Variants in TMEM117 observed in about 807,000 individuals in gnomAD.
TMEM117 encodes the protein transmembrane protein 117.
A neutral mutation model predicts 52.4 loss-of-function variants in TMEM117; 27 were observed. The ratio of observed to expected loss-of-function variants is 0.51; its 90% CI spans 0.38 to 0.71. The LOEUF is 0.71. Ranked by LOEUF, TMEM117 falls within the 30% of genes least tolerant of loss-of-function variation. TMEM117 has a pLI of 0.00. For synonymous variants in TMEM117, 215 were observed against 206.3 expected (o/e 1.04, Z -0.36); for missense variants, 556 against 630.5 (o/e 0.88, Z 1.26).
intron 4 of TMEM117, among the ~76,000 whole-genome samples, chr12:44,170,463 TAAAAA>T (rs992833136): frequency 4.2e-4 from 64 of 152,180 alleles, no homozygotes; most frequent in African/African-American, 1.5e-3. Flanking sequence ...TTTTTTAAAT[TAAAAA>T]AAATCATTAC....
intron 3 of TMEM117, among the ~76,000 whole-genome samples, chr12:44,057,942 T>G (rs1409316934): frequency 6.6e-6 from 1 of 152,216 alleles, no homozygotes; most frequent in Non-Finnish European, 1.5e-5. Context: ...CCGTACAGGC[T>G]TCAATTCACA....
At chr12:44,341,270 G>T (rs1032619954) in intron 6 of TMEM117, among the ~76,000 whole-genome samples, 1 of 152,008 alleles carries the variant, frequency 6.6e-6, no homozygotes, top group African/African-American at 2.4e-5. Flanking sequence ...CCAAATTGCT[G>T]AGATTACAGA....
chr12:43,879,285 A>G (rs916686101), intron 2 of TMEM117, among the ~76,000 whole-genome samples: 1 of 152,234 alleles, frequency 6.6e-6, no homozygotes, highest in African/African-American at 2.4e-5. Context: ...AACAGTTTAA[A>G]GCATTGTATT....
chr12:44,331,102 G>A (rs1425383770), intron 6 of TMEM117, among the ~76,000 whole-genome samples: 1 of 151,572 alleles, frequency 6.6e-6, no homozygotes, highest in Admixed American at 6.6e-5. Context: ...TCTGTGTGGA[G>A]GTGACCACTG....
intron 7 of TMEM117, among the ~76,000 whole-genome samples, chr12:44,386,002 AT>A (rs1952083114): frequency 6.6e-6 from 1 of 151,934 alleles, no homozygotes; most frequent in South Asian, 2.1e-4. Flanking sequence ...TTTCCAAACT[AT>A]TTTCTGTCCT....
At chr12:44,152,210 T>C (rs1948743319) in intron 4 of TMEM117, among the ~76,000 whole-genome samples, 1 of 106,712 alleles carries the variant, frequency 9.4e-6, no homozygotes, top group South Asian at 3.3e-4. Flanking sequence ...TAATTATATT[T>C]ATATTATATA....
chr12:44,319,385 C>T (rs1253029172), intron 6 of TMEM117, among the ~76,000 whole-genome samples: 1 of 152,088 alleles, frequency 6.6e-6, no homozygotes, highest in African/African-American at 2.4e-5. Flanking sequence ...TGCATGGATC[C>T]CCATTGGAAA....
At chr12:43,849,630 CT>C (rs1555177231) in intron 2 of TMEM117, among the ~76,000 whole-genome samples, 18 of 148,790 alleles carry the variant, frequency 1.2e-4, no homozygotes, top group African/African-American at 1.7e-4. Context: ...TTCTCTCTCT[CT>C]TTTTTTTTTA....
chr12:44,230,890 C>T (rs2138451238), intron 5 of TMEM117, among the ~76,000 whole-genome samples: 1 of 151,960 alleles, frequency 6.6e-6, no homozygotes, highest in East Asian at 1.9e-4. Flanking sequence ...AATATTTTAT[C>T]CCTCCTCCCT....
At chr12:43,813,523 G>A in the TMEM117 span, among the ~76,000 whole-genome samples, 31 of 151,864 alleles carry the variant, frequency 2.0e-4, no homozygotes, top group Admixed American at 2.6e-4. Context: ...CACCACACCT[G>A]GCCCTGAACT....
intron 2 of TMEM117, among the ~76,000 whole-genome samples, chr12:43,876,317 T>A (rs1241630385): frequency 3.3e-5 from 5 of 152,214 alleles, no homozygotes; most frequent in Non-Finnish European, 1.5e-5. Context: ...ACACACCTTC[T>A]TGCCATGCGG....
intron 2 of TMEM117, among the ~76,000 whole-genome samples, chr12:43,847,611 G>A (rs1943231977): frequency 6.6e-6 from 1 of 152,176 alleles, no homozygotes; most frequent in Non-Finnish European, 1.5e-5. Context: ...ATACCAATCT[G>A]GATTGTTGAG....
At chr12:43,966,120 TGTGTA>T (rs1325118535) in intron 3 of TMEM117, among the ~76,000 whole-genome samples, 4 of 152,226 alleles carry the variant, frequency 2.6e-5, no homozygotes, top group Non-Finnish European at 5.9e-5. Context: ...CCATGGTATA[TGTGTA>T]CCACATTTTC....
chr12:44,237,061 A>G (rs1480035457), intron 5 of TMEM117, among the ~76,000 whole-genome samples: 2 of 152,108 alleles, frequency 1.3e-5, no homozygotes, highest in Non-Finnish European at 2.9e-5. Context: ...TTGCAAGGCC[A>G]GTAATACCTC....
intron 3 of TMEM117, among the ~76,000 whole-genome samples, chr12:44,038,551 G>T (rs1353448806): frequency 6.6e-6 from 1 of 152,212 alleles, no homozygotes; most frequent in African/African-American, 2.4e-5. Context: ...ACAGGCATGA[G>T]AGTCAGACCA....
At chr12:44,219,275 T>C (rs1014864627) in intron 5 of TMEM117, among the ~76,000 whole-genome samples, 6 of 152,028 alleles carry the variant, frequency 3.9e-5, no homozygotes, top group Non-Finnish European at 7.3e-5. Context: ...GACTTTTGAC[T>C]ATTTCACATT....
chr12:43,880,946 A>G (rs1006226945), intron 2 of TMEM117, among the ~76,000 whole-genome samples: 3 of 152,246 alleles, frequency 2.0e-5, no homozygotes, highest in Non-Finnish European at 4.4e-5. Context: ...GATAAATAGG[A>G]CTTTTATGTT....
In TMEM117 at chr12:43,993,377, ACTTAT is replaced by A. The variant is rs543119297; in HGVS notation, c.410+49037_410+49041del. 2.3e-4 allele frequency among the ~76,000 whole-genome samples: 35 copies of A among 152,324 alleles called. No individual in the cohort carries two copies. In the East Asian group the frequency reaches 6.6e-3, roughly 29 times the overall value. ...ATGCTCAACAACGGGTGTTTGTTAC[ACTTAT>A]CATTATCACTTGTACTATATGCCTC... On this transcript the variant is annotated intron_variant, in intron 3 of 7. Coordinates refer to ENST00000266534, the MANE Select transcript of TMEM117 (RefSeq NM_032256.3).
chr12:44,017,326 CTTT>C (rs79007657), intron 3 of TMEM117, among the ~76,000 whole-genome samples: 23 of 97,104 alleles, frequency 2.4e-4, no homozygotes, highest in Middle Eastern at 6.6e-3. Context: ...TCTTTCTTTC[CTTT>C]TTTTTTTTTT....
Sources: allele counts gnomAD v4.1 joint callset (sites outside exome capture counted in the v4.1 genomes callset), GRCh38; gene constraint gnomAD v4.1.1; transcripts MANE v1.5; gene names NCBI Gene and HGNC (gene_info 2026-07-23, HGNC 2026-07-21).